CEP89: variants seen among roughly 807,000 people sequenced by gnomAD.
The protein encoded by CEP89 is centrosomal protein 89, also known as centrosomal protein of 89 kDa.
In CEP89, 95 loss-of-function variants were observed where a neutral mutation model predicts 97.6. That is an observed-to-expected ratio of 0.97 (90% CI 0.82 to 1.15). CEP89 has a LOEUF of 1.15. CEP89 is among the 50% of genes most tolerant of loss of function. CEP89 has a pLI of 0.00. For synonymous variants in CEP89, 354 were observed against 349.1 expected (o/e 1.01, Z -0.16); for missense variants, 869 against 947.7 (o/e 0.92, Z 1.09).
At chr19:32,958,537 G>A (rs781071694) in intron 3 of CEP89, among the ~76,000 whole-genome samples, 69 of 152,020 alleles carry the variant, frequency 4.5e-4, no homozygotes, top group Admixed American at 3.9e-4. Flanking sequence ...AAATTAGCCG[G>A]GAGAGGTGGC....
chr19:32,944,300 G>A (rs929985962), intron 5 of CEP89, among the ~76,000 whole-genome samples: 2 of 150,928 alleles, frequency 1.3e-5, no homozygotes, highest in Admixed American at 1.3e-4. Flanking sequence ...CATAGAAGCT[G>A]CGAAAGGAAA....
chr19:32,956,628 A>G (rs1971055329), intron 3 of CEP89, among the ~76,000 whole-genome samples: 1 of 152,068 alleles, frequency 6.6e-6, no homozygotes, highest in Non-Finnish European at 1.5e-5. Flanking sequence ...CAGCCTCTCA[A>G]AGTGCTGGGA....
intron 4 of CEP89, among the ~76,000 whole-genome samples, chr19:32,953,331 T>C (rs1970965160): frequency 6.6e-6 from 1 of 151,814 alleles, no homozygotes; most frequent in African/African-American, 2.4e-5. Flanking sequence ...ATAGGAAATT[T>C]AGCTTCCAAG....
intron 7 of CEP89, among the ~76,000 whole-genome samples, chr19:32,935,455 C>T (rs1292543269): frequency 4.6e-5 from 7 of 152,122 alleles, no homozygotes; most frequent in Non-Finnish European, 7.4e-5. Flanking sequence ...GTCAGTGTCA[C>T]AGAAATCATG....
chr19:32,897,863 G>A (rs1364852475), intron 16 of CEP89, among the ~76,000 whole-genome samples: 1 of 152,120 alleles, frequency 6.6e-6, no homozygotes, highest in Non-Finnish European at 1.5e-5. Context: ...TGCCTGGCCT[G>A]AAATTTTACT....
In CEP89 at chr19:32,893,659, C is replaced by T. The variant is rs139181023; in HGVS notation, c.1876-5818G>A. Among the ~76,000 whole-genome samples the T allele has an allele frequency of 2.0e-5, 3 of 152,296 alleles. No homozygotes were observed. The East Asian group carries it at 5.8e-4, about 29-fold the overall frequency. On this transcript the variant is annotated intron_variant, in intron 16 of 18. Transcript: ENST00000305768. ...AGCTCAACAAATTTAAAAATACTGACATCATGTCAAGTATCTTCTCAGACC... is the reference window on the plus strand; with the variant it reads ...AGCTCAACAAATTTAAAAATACTGATATCATGTCAAGTATCTTCTCAGACC...
chr19:32,966,113 T>A (rs1373003418), intron 2 of CEP89: 6 of 369,170 alleles, frequency 1.6e-5, no homozygotes, highest in Non-Finnish European at 2.9e-5. Context: ...TTTTTTTAAA[T>A]ACTCATTGCA....
At chr19:32,904,884 C>T in intron 14 of CEP89, among the ~76,000 whole-genome samples, 1 of 152,212 alleles carries the variant, frequency 6.6e-6, no homozygotes, top group East Asian at 1.9e-4. Context: ...GCCACCAGGC[C>T]TGGCCCAAAA....
At chr19:32,902,574 C>A (rs1969804301) in intron 14 of CEP89, among the ~76,000 whole-genome samples, 1 of 152,202 alleles carries the variant, frequency 6.6e-6, no homozygotes, top group African/African-American at 2.4e-5. Flanking sequence ...CTTTGGACAA[C>A]AGGCGAGGCA....
At position 32,966,453 on chromosome 19, in the gene CEP89, T is replaced by C; in HGVS notation, c.53A>G (p.His18Arg). The C allele has an allele frequency of 6.5e-7, 1 of 1,544,054 alleles. No homozygotes were observed. Among genetic ancestry groups the C allele is most frequent in the Non-Finnish European group, 8.8e-7 (1 of 1,141,212 alleles). ...AACGCTGGCTGCAGGTAAAAGGCCA[T>C]GGATGATGTGTTTCTGCACAAATGA... ...GRRSHFKHIIHGLLPAASVAP... is the reference protein window; with the variant it reads ...GRRSHFKHIIRGLLPAASVAP... The change falls in exon 2 of 19, where the codon CAT (histidine) becomes CGT (arginine). Residue 18 changes from histidine to arginine, a missense_variant. By Grantham distance (29) the His-to-Arg change is conservative. Transcript: ENST00000305768.
chr19:32,943,636 G>A (rs1204565306), intron 5 of CEP89, among the ~76,000 whole-genome samples: 1 of 151,494 alleles, frequency 6.6e-6, no homozygotes, highest in Non-Finnish European at 1.5e-5. Context: ...AAAAAAAAAA[G>A]TCAAACCCCA....
intron 4 of CEP89, among the ~76,000 whole-genome samples, chr19:32,953,093 G>C (rs1284816448): frequency 6.6e-6 from 1 of 151,402 alleles, no homozygotes; most frequent in Admixed American, 6.6e-5. Context: ...ATGTTTCCTT[G>C]AATCTCTCTG....
chr19:32,947,499 C>CT (rs1402672483), intron 5 of CEP89, among the ~76,000 whole-genome samples: 7 of 151,138 alleles, frequency 4.6e-5, no homozygotes, highest in Middle Eastern at 3.4e-3. Flanking sequence ...ATAACTTTTC[C>CT]TTTTTTTTTG....
At chr19:32,966,605 C>A in intron 1 of CEP89, 139 bp from the exon 2 acceptor site, 1 of 420,512 alleles carries the variant, frequency 2.4e-6, no homozygotes. Flanking sequence ...GCCCACTCCT[C>A]CCCTGCCATC....
At chr19:32,893,120 C>A (rs984390187) in intron 16 of CEP89, among the ~76,000 whole-genome samples, 34 of 149,212 alleles carry the variant, frequency 2.3e-4, no homozygotes, top group African/African-American at 7.6e-4. Flanking sequence ...AAAAAAAACA[C>A]GATTCAACTA....
chr19:32,911,104 T>C (rs757082640), intron 14 of CEP89, among the ~76,000 whole-genome samples: 1 of 152,210 alleles, frequency 6.6e-6, no homozygotes, highest in African/African-American at 2.4e-5. Context: ...GAGTAATGCA[T>C]TGCTCTACGA....
intron 16 of CEP89, among the ~76,000 whole-genome samples, chr19:32,889,966 G>C (rs1969479072): frequency 6.6e-6 from 1 of 152,096 alleles, no homozygotes; most frequent in Non-Finnish European, 1.5e-5. Flanking sequence ...GGGCAGCGCT[G>C]GGCCAGACAC....
At chr19:32,880,720 G>A (rs1000546044) in intron 18 of CEP89, among the ~76,000 whole-genome samples, 3 of 151,524 alleles carry the variant, frequency 2.0e-5, no homozygotes, top group Non-Finnish European at 4.4e-5. Flanking sequence ...ATGTTTAAAT[G>A]TATGGCTGAA....
At chr19:32,880,531 C>T (rs918856072) in intron 18 of CEP89, among the ~76,000 whole-genome samples, 3 of 151,580 alleles carry the variant, frequency 2.0e-5, no homozygotes, top group African/African-American at 4.8e-5. Flanking sequence ...TCCAGCTACT[C>T]GGGAGGCTGA....
Sources: allele counts gnomAD v4.1 joint callset (sites outside exome capture counted in the v4.1 genomes callset), GRCh38; gene constraint gnomAD v4.1.1; transcripts MANE v1.5; gene names NCBI Gene and HGNC (gene_info 2026-07-23, HGNC 2026-07-21).